Variants in SLC30A1 observed in about 807,000 individuals in gnomAD.
The protein encoded by SLC30A1 is solute carrier family 30 member 1.
A neutral mutation model predicts 29.8 loss-of-function variants in SLC30A1; 7 were observed. The observed-to-expected ratio is 0.23, with a 90% confidence interval of 0.13 to 0.44. The LOEUF is 0.44. Ranked by LOEUF, SLC30A1 falls within the 20% of genes least tolerant of loss-of-function variation. SLC30A1 has a pLI of 1.00. For missense variants in SLC30A1, 446 were observed against 647.9 expected (o/e 0.69, Z 3.38); for synonymous variants, 254 against 253.5 (o/e 1.00, Z -0.02).
Position 211,578,218 on chromosome 1 carries a change from C to T in SLC30A1, c.395G>A (p.Cys132Tyr). ...GAAGCCGCTGTGATGGTGGAAGAGG[C>T]AGAGCCCCAGCACGTTGACCAGCAG... The part of the protein sequence containing the change: ...AGLLVNVLGL[C>Y]LFHHHSGFSQ... Residue 132 changes from cysteine (C) to tyrosine (Y), a missense_variant, in exon 1 of 2, where the codon TGC (cysteine) becomes TAC (tyrosine). Transcript: ENST00000367001. 1 of 1,611,266 alleles carries T rather than the reference C, an allele frequency of 6.2e-7. No homozygotes were observed. The highest frequency in any genetic ancestry group is 1.1e-5 in the South Asian group (1 of 90,748).
rs1706656330 is a variant in SLC30A1, at chr1:211,571,834, G to A, written c.*3554C>T. 4 of 152,098 alleles carry A rather than the reference G, an allele frequency of 2.6e-5. No individual in the cohort carries two copies. The highest frequency in any genetic ancestry group is 7.2e-5 in the African/African-American group (3 of 41,410). The allele number at this position is 152,098 out of a possible 1,614,324, so 9.4% of individuals were successfully genotyped here. ...TGGCCCACATCTGGCCCAAAGGACA[G>A]GCAACAGAAGACACAAAACAACACA... On this transcript the variant is annotated 3_prime_UTR_variant, in exon 2 of 2. Transcript: ENST00000367001.
In SLC30A1 at chr1:211,571,640, A is replaced by G. The variant is rs1318775543; in HGVS notation, c.*3748T>C. On this transcript the variant is annotated 3_prime_UTR_variant, in exon 2 of 2. Coordinates refer to ENST00000367001, the MANE Select transcript of SLC30A1 (RefSeq NM_021194.3). Reference sequence around the variant, plus strand: ...GAAGAAACACAGTAGTCTGTCTCATATAGAACATTTATAATACATAACAAT... The same window carrying G: ...GAAGAAACACAGTAGTCTGTCTCATGTAGAACATTTATAATACATAACAAT... The G allele has an allele frequency of 1.3e-5, 2 of 152,102 alleles. No individual in the cohort carries two copies. The highest frequency in any genetic ancestry group is 4.8e-5 in the African/African-American group (2 of 41,472). 9.4% of individuals were successfully genotyped at this position (152,102 alleles called of 1,614,324 possible).
chr1:211,579,127 C>T lies in SLC30A1; in HGVS notation c.-515G>A, dbSNP rs1706759334. 6.6e-6 allele frequency among the ~76,000 whole-genome samples: 1 copy of T among 152,354 alleles called. No homozygotes were observed. The highest frequency in any genetic ancestry group is 1.9e-4 in the East Asian group (1 of 5,178). ...GGAGCTAGAGAGGCGGCGGCCACGG[C>T]AGCTGCACTCGGCCCGGTCTCGGGC... is the stretch of plus-strand genomic sequence containing the variant. On this transcript the variant is annotated 5_prime_UTR_variant, in exon 1 of 2. Coordinates refer to ENST00000367001, the MANE Select transcript of SLC30A1 (RefSeq NM_021194.3).
rs1706748892 is a variant in SLC30A1 at position 211,578,335 on chromosome 1, CAG to C, written c.276_277del (p.Cys93PhefsTer73). On this transcript the variant is annotated frameshift_variant, in exon 1 of 2. Transcript: ENST00000367001. LOFTEE classifies it high-confidence loss of function. ...GATGGCCTCCAGCAGGATGGCGAAACAGAGGCCAGTCAGGAAGATGGCGTTCA... is the reference window on the plus strand; with the variant it reads ...GATGGCCTCCAGCAGGATGGCGAAACAGGCCAGTCAGGAAGATGGCGTTCA... The C allele has an allele frequency of 6.2e-7, 1 of 1,613,582 alleles. No individual in the cohort carries two copies. Among genetic ancestry groups the C allele is most frequent in the African/African-American group, 1.3e-5 (1 of 74,934 alleles).
chr1:211,577,859 G>C lies in SLC30A1; in HGVS notation c.622+132C>G. On this transcript the variant is annotated intron_variant, in intron 1 of 1. Transcript: ENST00000367001. This position sits in a 1 kb window ranked among gnomAD's most constrained non-coding sequence, Gnocchi z 4.5. ...AGCGGGGCGTGTGCAGGACGGGGAG[G>C]GAGCAGGCAGGGGCGGCGCGGCGCA... The C allele has an allele frequency of 6.6e-6, 8 of 1,211,590 alleles. No homozygotes were observed. The highest frequency in any genetic ancestry group is 9.0e-6 in the Non-Finnish European group (8 of 890,246). 75.1% of individuals were successfully genotyped at this position (1,211,590 alleles called of 1,614,324 possible). A position where few individuals can be genotyped will look rare whatever the true frequency, so the allele number is the denominator to read the frequency against.
In SLC30A1 at chr1:211,571,713, C is replaced by T. The variant is rs996934257; in HGVS notation, c.*3675G>A. 6.6e-6 allele frequency: 1 copy of T among 152,106 alleles called. No individual in the cohort carries two copies. The highest frequency in any genetic ancestry group is 1.9e-4 in the East Asian group (1 of 5,200). 9.4% of individuals were successfully genotyped at this position (152,106 alleles called of 1,614,324 possible). ...AGGAACAGCTTTGGAAAATAACACACAGTCATGAAAACATACAAAAAGTTA... is the reference window on the plus strand; with the variant it reads ...AGGAACAGCTTTGGAAAATAACACATAGTCATGAAAACATACAAAAAGTTA... On this transcript the variant is annotated 3_prime_UTR_variant, in exon 2 of 2. Transcript: ENST00000367001.
At position 211,577,931 on chromosome 1, in the gene SLC30A1, C is replaced by T. The variant is rs1706741535; in HGVS notation, c.622+60G>A. Reference sequence around the variant, plus strand: ...GCGTGCGGGCCACCCCGCCGAAGGCCAGGCGAGGCTCTGGGCACCCCAAAC... The same window carrying T: ...GCGTGCGGGCCACCCCGCCGAAGGCTAGGCGAGGCTCTGGGCACCCCAAAC... On this transcript the variant is annotated intron_variant, in intron 1 of 1. Transcript: ENST00000367001. The surrounding 1 kb of genome is among the most constrained non-coding windows in gnomAD (Gnocchi z 4.5). 6.3e-6 allele frequency: 10 copies of T among 1,598,208 alleles called. No homozygotes were observed. In the Admixed American group the frequency reaches 1.7e-4, roughly 27 times the overall value.
chr1:211,575,960 G>T lies in SLC30A1; in HGVS notation c.952C>A (p.Pro318Thr), dbSNP rs753356416. Residue 318 changes from proline to threonine, a missense_variant, in exon 2 of 2, where the codon CCA (proline) becomes ACA (threonine). Pro to Thr is a conservative substitution (Grantham distance 38). Around this residue, in one of 5 missense-constraint regions of SLC30A1, gnomAD observed 187 missense variants for 312.7 expected, o/e 0.60. Coordinates refer to ENST00000367001, the MANE Select transcript of SLC30A1 (RefSeq NM_021194.3). The surrounding 1 kb of genome is among the most constrained non-coding windows in gnomAD (Gnocchi z 6.0). ...AGPCWVLYLDPTLCVVMVCIL... is the reference protein window; with the variant it reads ...AGPCWVLYLDTTLCVVMVCIL... The stretch of plus-strand genomic sequence containing the variant: ...CAAACCATTACAACACAAAGAGTTG[G>T]ATCTAAATATAGCACCCAGCAAGGA... The T allele has an allele frequency of 2.5e-6, 4 of 1,613,226 alleles. No homozygotes were observed. The highest frequency in any genetic ancestry group is 1.7e-5 in the Admixed American group (1 of 59,970).
chr1:211,577,616 C>G lies in SLC30A1; in HGVS notation c.622+375G>C, dbSNP rs1047422724. On this transcript the variant is annotated intron_variant, in intron 1 of 1. Coordinates refer to ENST00000367001, the MANE Select transcript of SLC30A1 (RefSeq NM_021194.3). This position sits in a 1 kb window ranked among gnomAD's most constrained non-coding sequence, Gnocchi z 4.5. The stretch of plus-strand genomic sequence containing the variant: ...AGGGCCAAGGAATTGAATTGGGAAG[C>G]ATTTCTGACGCTGTTATAACCATAA... 1.2e-4 allele frequency among the ~76,000 whole-genome samples: 18 copies of G among 152,350 alleles called. No homozygotes were observed. Among genetic ancestry groups the G allele is most frequent in the Middle Eastern group, 3.4e-3 (1 of 294 alleles).
rs1279985722 is a variant in SLC30A1 at position 211,573,026 on chromosome 1, C to G, written c.*2362G>C. 6.6e-6 allele frequency: 1 copy of G among 151,976 alleles called. No individual in the cohort carries two copies. The highest frequency in any genetic ancestry group is 1.5e-5 in the Non-Finnish European group (1 of 67,888). The allele number at this position is 151,976 out of a possible 1,614,324, so 9.4% of individuals were successfully genotyped here. ...TCAGAGTATTTCCCTCATTTTCTTT[C>G]AGAAAGGAATAAGCTATTTTGAGAA... On this transcript the variant is annotated 3_prime_UTR_variant, in exon 2 of 2. Transcript: ENST00000367001.
intron 1 of SLC30A1, among the ~76,000 whole-genome samples, chr1:211,576,495 A>G (rs2102406316): frequency 6.6e-6 from 1 of 152,324 alleles, no homozygotes; most frequent in Non-Finnish European, 1.5e-5. Flanking sequence ...TCATTGTGAT[A>G]CTGCTTCTTC....
In SLC30A1 at chr1:211,572,467, T is replaced by C. The variant is rs934577572; in HGVS notation, c.*2921A>G. The C allele has an allele frequency of 1.3e-5, 2 of 152,104 alleles. No homozygotes were observed. The highest frequency in any genetic ancestry group is 2.1e-4 in the South Asian group (1 of 4,834). The allele number at this position is 152,104 out of a possible 1,614,324, so 9.4% of individuals were successfully genotyped here. ...ACGAAATACTTCACATTAGGTTCCA[T>C]AGGTCTTTTCCCTCAAAACTGTCAA... On this transcript the variant is annotated 3_prime_UTR_variant, in exon 2 of 2. Transcript: ENST00000367001.
In SLC30A1 at chr1:211,574,697, A is replaced by C. The variant is rs1706697196; in HGVS notation, c.*691T>G. On this transcript the variant is annotated 3_prime_UTR_variant, in exon 2 of 2. Coordinates refer to ENST00000367001, the MANE Select transcript of SLC30A1 (RefSeq NM_021194.3). ...AATTCTCAAAATAATTTAGAAATGT[A>C]GTCTCAATATTATCATACAATAACC... 1 of 152,192 alleles carries C rather than the reference A, an allele frequency of 6.6e-6. No individual in the cohort carries two copies. Among genetic ancestry groups the C allele is most frequent in the Non-Finnish European group, 1.5e-5 (1 of 67,994 alleles). The allele number at this position is 152,192 out of a possible 1,614,324, so 9.4% of individuals were successfully genotyped here.
chr1:211,573,353 CT>C lies in SLC30A1; in HGVS notation c.*2034del, dbSNP rs1315776434. 3.9e-5 allele frequency: 6 copies of C among 152,156 alleles called. No individual in the cohort carries two copies. The highest frequency in any genetic ancestry group is 1.4e-4 in the African/African-American group (6 of 41,560). The allele number at this position is 152,156 out of a possible 1,614,324, so 9.4% of individuals were successfully genotyped here. On this transcript the variant is annotated 3_prime_UTR_variant, in exon 2 of 2. Transcript: ENST00000367001. ...AAACAAACATAGCCCTTGTCCTATGCTTATATACCATTTTTTAAAATCCTCA... is the reference window on the plus strand; with the variant it reads ...AAACAAACATAGCCCTTGTCCTATGCTATATACCATTTTTTAAAATCCTCA...
chr1:211,576,372 T>C lies in SLC30A1; in HGVS notation c.623-83A>G, dbSNP rs1706718641. ...TTGTCTAATTCTTTTTAAGTGGTGA[T>C]GAAGGTGAAAATTTTTTCAGAAAGT... On this transcript the variant is annotated intron_variant, in intron 1 of 1. Coordinates refer to ENST00000367001, the MANE Select transcript of SLC30A1 (RefSeq NM_021194.3). 5 of 951,616 alleles carry C rather than the reference T, an allele frequency of 5.3e-6. No individual in the cohort carries two copies. The South Asian group carries it at 6.0e-5, about 11-fold the overall frequency. 58.9% of individuals were successfully genotyped at this position (951,616 alleles called of 1,614,324 possible).
At position 211,578,127 on chromosome 1, in the gene SLC30A1, C is replaced by A. The variant is rs756556765; in HGVS notation, c.486G>T (p.Gly162=). The A allele has an allele frequency of 3.7e-6, 6 of 1,609,258 alleles. No homozygotes were observed. The highest frequency in any genetic ancestry group is 2.5e-6 in the Non-Finnish European group (3 of 1,178,512). ...CGGGGCGGGTGCTCTTAACGCGAGG[C>A]CCCTTGGGGAGGCCGTGGCCGTGGC... ...GHGHGHGLPK[G]PRVKSTRPGS... The change falls in exon 1 of 2, where the codon GGG becomes GGT. Residue 162 remains glycine, a synonymous_variant. Coordinates refer to ENST00000367001, the MANE Select transcript of SLC30A1 (RefSeq NM_021194.3).
At position 211,577,807 on chromosome 1, in the gene SLC30A1, G is replaced by A. The variant is rs987750109; in HGVS notation, c.622+184C>T. On this transcript the variant is annotated intron_variant, in intron 1 of 1. Coordinates refer to ENST00000367001, the MANE Select transcript of SLC30A1 (RefSeq NM_021194.3). This position sits in a 1 kb window ranked among gnomAD's most constrained non-coding sequence, Gnocchi z 4.5. Reference sequence around the variant, plus strand: ...CGTCGCCGGCTCCTTGCACCCGACTGAGGGGGTTCTGATTTCCTGGAGCAG... The same window carrying A: ...CGTCGCCGGCTCCTTGCACCCGACTAAGGGGGTTCTGATTTCCTGGAGCAG... Among the ~76,000 whole-genome samples the A allele has an allele frequency of 4.6e-5, 7 of 152,212 alleles. No homozygotes were observed. The highest frequency in any genetic ancestry group is 1.4e-4 in the African/African-American group (6 of 41,448).
rs1009282031 is a variant in SLC30A1, at chr1:211,573,880, A to C, written c.*1508T>G. On this transcript the variant is annotated 3_prime_UTR_variant, in exon 2 of 2. Coordinates refer to ENST00000367001, the MANE Select transcript of SLC30A1 (RefSeq NM_021194.3). ...CGCCAGCAATAGGCTTATACTAGGA[A>C]AAACACACACCACAAAAGATCATCC... The C allele has an allele frequency of 3.3e-5, 5 of 152,516 alleles. No individual in the cohort carries two copies. Among genetic ancestry groups the C allele is most frequent in the Non-Finnish European group, 7.4e-5 (5 of 67,942 alleles). 9.4% of individuals were successfully genotyped at this position (152,516 alleles called of 1,614,324 possible).
chr1:211,575,432 C>CT lies in SLC30A1; in HGVS notation c.1479dup (p.Glu494ArgfsTer3). 1 of 1,610,664 alleles carries CT rather than the reference C, an allele frequency of 6.2e-7. No homozygotes were observed. Among genetic ancestry groups the CT allele is most frequent in the Non-Finnish European group, 8.5e-7 (1 of 1,179,022 alleles). ...TGTTTGTTTGGCATGTTTTTAATCT[C>CT]TATCACAACAGCAGGGATGTTTTCA... On this transcript the variant is annotated frameshift_variant, in exon 2 of 2. Transcript: ENST00000367001. LOFTEE classifies it high-confidence loss of function. The surrounding 1 kb of genome is among the most constrained non-coding windows in gnomAD (Gnocchi z 6.0).
Sources: gnomAD v4.1 joint callset for allele counts (sites outside exome capture counted in the v4.1 genomes callset) on GRCh38, gnomAD v4.1.1 for gene constraint, gnomAD v4.1.1 regional missense constraint, Gnocchi (gnomAD v3.1) non-coding constraint, MANE v1.5 for transcripts, NCBI Gene and HGNC (gene_info 2026-07-23, HGNC 2026-07-21) for gene names.